The following CSMD1 variants were observed in gnomAD, a reference collection of about 807,000 sequenced individuals.
CSMD1 encodes CUB and sushi domain-containing protein 1.
Under a neutral mutation model 417.5 loss-of-function variants are expected in CSMD1, and 213 were observed. That is an observed-to-expected ratio of 0.51 (90% confidence interval 0.46 to 0.57). CSMD1 has a LOEUF of 0.57. Among genes scored for constraint, CSMD1 ranks in the 20% least tolerant of loss-of-function variants. The pLI is 0.00. For missense variants in CSMD1, 6,923 were observed against 4,529.7 expected (o/e 1.53, Z -15.17); for synonymous variants, 2,862 against 1,736.8 (o/e 1.65, Z -16.11).
In CSMD1 at chr8:3,934,404, C is replaced by G. The variant is rs373758741; in HGVS notation, c.818+63499G>C. ...TTTTTCATCTTGTATTCATTGAAATCAGTAATGAACACCGGTAGTAATTGT... is the reference window on the plus strand; with the variant it reads ...TTTTTCATCTTGTATTCATTGAAATGAGTAATGAACACCGGTAGTAATTGT... On this transcript the variant is annotated intron_variant, in intron 5 of 69. Coordinates refer to ENST00000635120, the MANE Select transcript of CSMD1 (RefSeq NM_033225.6). Among the ~76,000 whole-genome samples the G allele has an allele frequency of 2.6e-5, 4 of 152,230 alleles. No individual in the cohort carries two copies. The East Asian group carries it at 7.7e-4, about 29-fold the overall frequency.
At chr8:4,544,628 A>C (rs899589166) in intron 2 of CSMD1, among the ~76,000 whole-genome samples, 22 of 152,186 alleles carry the variant, frequency 1.4e-4, no homozygotes, top group Admixed American at 1.4e-3. Context: ...AAAATAATAC[A>C]ATTTAACTAT....
rs1018378430 is a variant in CSMD1, at chr8:2,957,910, C to A, written c.9703-103G>T. ...CGCCCGAGTAAAAGTACAGCAGCAA[C>A]TTTTCAGGTTAATGTCAAGCCACTG... On this transcript the variant is annotated intron_variant, in intron 62 of 69. Transcript: ENST00000635120. 3 of 750,880 alleles carry A rather than the reference C, an allele frequency of 4.0e-6. No homozygotes were observed. The African/African-American group carries it at 5.2e-5, about 13-fold the overall frequency. 46.5% of individuals were successfully genotyped at this position (750,880 alleles called of 1,614,324 possible). A position where few individuals can be genotyped will look rare whatever the true frequency, so the allele number is the denominator to read the frequency against.
chr8:3,455,634 C>T (rs545406456), intron 12 of CSMD1, among the ~76,000 whole-genome samples: 55 of 152,320 alleles, frequency 3.6e-4, no homozygotes, highest in African/African-American at 1.3e-3. Flanking sequence ...GTGGATATTG[C>T]TGAACAGCAA....
chr8:3,319,642 A>G (rs1014967182), intron 23 of CSMD1, among the ~76,000 whole-genome samples: 10 of 152,178 alleles, frequency 6.6e-5, no homozygotes, highest in Non-Finnish European at 1.5e-4. Context: ...GAATTATATG[A>G]TTATTTTTAA....
chr8:4,340,406 C>G (rs950715846), intron 3 of CSMD1, among the ~76,000 whole-genome samples: 1 of 152,064 alleles, frequency 6.6e-6, no homozygotes, highest in Non-Finnish European at 1.5e-5. Context: ...GTTTGCTTTA[C>G]CATTGGCCAA....
intron 46 of CSMD1, among the ~76,000 whole-genome samples, chr8:3,101,969 T>C (rs1200514903): frequency 6.6e-6 from 1 of 152,016 alleles, no homozygotes; most frequent in African/African-American, 2.4e-5. Context: ...ATCTGGCTAA[T>C]TTTTGTATTT....
chr8:4,310,496 G>C (rs1798500087), intron 3 of CSMD1, among the ~76,000 whole-genome samples: 1 of 148,706 alleles, frequency 6.7e-6, no homozygotes, highest in Admixed American at 7.0e-5. Context: ...TTATTAATTT[G>C]AAACTTCTTT....
intron 23 of CSMD1, among the ~76,000 whole-genome samples, chr8:3,322,715 G>C (rs73657810): frequency 0.063 from 9,631 of 152,276 alleles, 430 homozygotes; most frequent in African/African-American, 0.12. Flanking sequence ...TCCACAGCCA[G>C]TGGGGCAAGG....
At position 4,039,887 on chromosome 8, in the gene CSMD1, T is replaced by C. The variant is rs554403626; in HGVS notation, c.416-7788A>G. On this transcript the variant is annotated intron_variant, in intron 3 of 69. Coordinates refer to ENST00000635120, the MANE Select transcript of CSMD1 (RefSeq NM_033225.6). Reference sequence around the variant, plus strand: ...TGTAATGTTGGACAAATTACTTAGATCTTAGTTTCTACATCTTAGAAAGGG... The same window carrying C: ...TGTAATGTTGGACAAATTACTTAGACCTTAGTTTCTACATCTTAGAAAGGG... Among the ~76,000 whole-genome samples the C allele has an allele frequency of 7.7e-4, 117 of 152,282 alleles. No individual in the cohort carries two copies. The Middle Eastern group carries it at 0.01, about 13-fold the overall frequency.
At chr8:4,088,250 G>C (rs185688522) in intron 3 of CSMD1, among the ~76,000 whole-genome samples, 36 of 152,320 alleles carry the variant, frequency 2.4e-4, no homozygotes, top group Admixed American at 1.5e-3. Context: ...CTGAGAAGTA[G>C]ATTTGCGAGT....
intron 5 of CSMD1, among the ~76,000 whole-genome samples, chr8:3,979,714 T>C (rs1044587499): frequency 3.9e-5 from 6 of 152,188 alleles, no homozygotes; most frequent in African/African-American, 1.4e-4. Flanking sequence ...CAGAACTGAA[T>C]AAGCTGGAAC....
intron 2 of CSMD1, among the ~76,000 whole-genome samples, chr8:4,454,203 C>T (rs1168862184): frequency 6.6e-6 from 1 of 152,164 alleles, no homozygotes. Context: ...ATTAAAACTC[C>T]GTGTCTCCTT....
chr8:4,566,468 A>C (rs540525845), intron 2 of CSMD1, among the ~76,000 whole-genome samples: 1 of 151,872 alleles, frequency 6.6e-6, no homozygotes, highest in African/African-American at 2.4e-5. Flanking sequence ...CCTGGCTAAC[A>C]AGGTGAAACC....
intron 8 of CSMD1, among the ~76,000 whole-genome samples, chr8:3,597,786 T>G (rs975786749): frequency 4.6e-5 from 7 of 151,246 alleles, no homozygotes; most frequent in African/African-American, 1.7e-4. Flanking sequence ...AGTTGAACAA[T>G]GAGAATACAC....
intron 50 of CSMD1, among the ~76,000 whole-genome samples, chr8:3,049,723 G>T (rs1811691428): frequency 6.6e-6 from 1 of 152,216 alleles, no homozygotes; most frequent in East Asian, 1.9e-4. Context: ...CAAGCCCACA[G>T]ATGGTGCAAC....
At chr8:4,448,785 T>A (rs927774082) in intron 2 of CSMD1, among the ~76,000 whole-genome samples, 2 of 152,208 alleles carry the variant, frequency 1.3e-5, no homozygotes, top group Admixed American at 6.5e-5. Flanking sequence ...TTAAATGATG[T>A]CATCTGCAGA....
Position 3,840,269 on chromosome 8 carries a change from T to C in CSMD1, c.819-86227A>G, listed in dbSNP as rs562416646. On this transcript the variant is annotated intron_variant, in intron 5 of 69. Transcript: ENST00000635120. Reference sequence around the variant, plus strand: ...TAAATTAGCCAAATGGTGAAACAGATGTTCAAGAATGGCAAAGCTCACGCA... The same window carrying C: ...TAAATTAGCCAAATGGTGAAACAGACGTTCAAGAATGGCAAAGCTCACGCA... Among the ~76,000 whole-genome samples the C allele has an allele frequency of 9.9e-5, 15 of 152,184 alleles. No individual in the cohort carries two copies. The South Asian group carries it at 2.9e-3, about 29-fold the overall frequency.
intron 1 of CSMD1, among the ~76,000 whole-genome samples, chr8:4,828,641 T>G (rs1434933121): frequency 1.3e-5 from 2 of 152,120 alleles, no homozygotes; most frequent in Non-Finnish European, 2.9e-5. Context: ...CTGAGAACGT[T>G]ACTCGGCATG....
chr8:4,105,090 G>A (rs891694109), intron 3 of CSMD1, among the ~76,000 whole-genome samples: 5 of 152,144 alleles, frequency 3.3e-5, no homozygotes, highest in African/African-American at 9.7e-5. Context: ...AGACAGCAAG[G>A]GAGGGTTTTA....
Sources: allele counts gnomAD v4.1 joint callset (sites outside exome capture counted in the v4.1 genomes callset), GRCh38; gene constraint gnomAD v4.1.1; transcripts MANE v1.5; gene names NCBI Gene and HGNC (gene_info 2026-07-23, HGNC 2026-07-21).